The following PLCH2 variants were observed in gnomAD, a reference collection of about 807,000 sequenced individuals.
PLCH2 encodes the protein 1-phosphatidylinositol 4,5-bisphosphate phosphodiesterase eta-2.
PLCH2 carries 98 observed loss-of-function variants against 134.7 expected under a neutral mutation model. The ratio of observed to expected loss-of-function variants is 0.73; its 90% confidence interval spans 0.62 to 0.86. The LOEUF (loss-of-function observed/expected upper bound fraction) is 0.86, where lower values mean the gene tolerates loss of function less well. PLCH2 is among the 40% of genes least tolerant of loss of function. The probability of loss-of-function intolerance (pLI) is 0.00; values close to 1 mark genes in which losing one functional copy is unlikely to be tolerated. For synonymous variants in PLCH2, 974 were observed against 827.5 expected (o/e 1.18, Z -3.04); for missense variants, 1,994 against 1,986.6 (o/e 1.00, Z -0.07).
At chr1:2,503,191 C>G in intron 21 of PLCH2, 2 of 600,504 alleles carry the variant, frequency 3.3e-6, no homozygotes, top group East Asian at 5.8e-5. Context: ...GGTCTGGGGC[C>G]GGGACTGTGG....
At position 2,504,804 on chromosome 1, in the gene PLCH2, G is replaced by T. The variant is rs1054479394; in HGVS notation, c.3842G>T (p.Gly1281Val). ...GGSRRLSHSL[G>V]LPGGTRRVSG... The stretch of plus-strand genomic sequence containing the variant: ...TCCCGCAGACTGAGCCACAGCCTGG[G>T]CCTCCCGGGAGGGACACGGCGGGTG... Residue 1281 changes from glycine to valine, a missense_variant, in exon 22 of 22, where the codon GGC becomes GTC. Gly to Val is a moderately radical substitution (Grantham distance 109). This residue lies in a region of PLCH2 where 900 missense variants were observed against 752.3 expected (regional missense o/e 1.20). Transcript: ENST00000378486. The T allele has an allele frequency of 2.5e-6, 4 of 1,611,598 alleles. No individual in the cohort carries two copies. The African/African-American group carries it at 4.0e-5, about 16-fold the overall frequency.
Position 2,502,146 on chromosome 1 carries a change from T to C in PLCH2, c.2696T>C (p.Leu899Pro). Residue 899 changes from leucine (L) to proline (P), a missense_variant, in exon 21 of 22, where the codon CTC becomes CCC. Leu to Pro is a moderately conservative substitution (Grantham distance 98). Coordinates refer to ENST00000378486, the MANE Select transcript of PLCH2 (RefSeq NM_014638.4). ...KQALGLKGLFLRGPKPGSLDS... is the reference protein window; with the variant it reads ...KQALGLKGLFPRGPKPGSLDS... ...GCTCTGGGCCTAAAAGGCCTCTTCCTCCGAGGCCCAAAGCCCGGCTCGCTG... is the reference window on the plus strand; with the variant it reads ...GCTCTGGGCCTAAAAGGCCTCTTCCCCCGAGGCCCAAAGCCCGGCTCGCTG... The C allele has an allele frequency of 6.8e-7, 1 of 1,478,744 alleles. No homozygotes were observed. Among genetic ancestry groups the C allele is most frequent in the African/African-American group, 1.4e-5 (1 of 69,080 alleles). The allele number at this position is 1,478,744 out of a possible 1,614,324, so 91.6% of individuals were successfully genotyped here.
chr1:2,495,700 G>A, intron 13 of PLCH2, 130 bp downstream of exon 13: 2 of 627,386 alleles, frequency 3.2e-6, no homozygotes, highest in East Asian at 6.2e-5. Context: ...TTGGCCCCTG[G>A]AAGCAGTGAA....
At chr1:2,503,607 G>A (rs1001127451) in intron 21 of PLCH2, 3 of 683,996 alleles carry the variant, frequency 4.4e-6, no homozygotes, top group African/African-American at 3.6e-5. Context: ...CACCCACGCT[G>A]CCTCCGTAGT....
chr1:2,451,323 C>A (rs1400392185), intron 2 of PLCH2, among the ~76,000 whole-genome samples: 1 of 152,214 alleles, frequency 6.6e-6, no homozygotes, highest in Non-Finnish European at 1.5e-5. Context: ...CCCCGAAGAT[C>A]ATACGCAGTA....
At chr1:2,430,529 G>C (rs909017942) in exon 2 of PLCH2, 1 of 152,088 alleles carries the variant, frequency 6.6e-6, no homozygotes, top group African/African-American at 2.4e-5. Context: ...TGGCTCCCCC[G>C]ACAGCCGGCC....
At chr1:2,473,579 G>GC (rs1246703099), upstream of PLCH2, among the ~76,000 whole-genome samples, 3 of 152,224 alleles carry the variant, frequency 2.0e-5, no homozygotes, top group Non-Finnish European at 4.4e-5. Flanking sequence ...CTCAGAGCAG[G>GC]CCTGGTGGCC....
At position 2,489,831 on chromosome 1, in the gene PLCH2, T is replaced by A; in HGVS notation, c.1479T>A (p.Asp493Glu). 1 of 1,609,288 alleles carries A rather than the reference T, an allele frequency of 6.2e-7. No individual in the cohort carries two copies. The highest frequency in any genetic ancestry group is 8.5e-7 in the Non-Finnish European group (1 of 1,175,914). Residue 493 changes from aspartate (D) to glutamate (E), a missense_variant, in exon 10 of 22, where the codon GAT becomes GAA. Physicochemically the swap from Asp to Glu is conservative, Grantham distance 45. This residue lies in a region of PLCH2 where 1,094 missense variants were observed against 1,234.3 expected (regional missense o/e 0.89). Transcript: ENST00000378486. Reference protein sequence around the residue: ...EGEVSDEDSADEIDDDCKLLN... With the variant: ...EGEVSDEDSAEEIDDDCKLLN... Reference sequence around the variant, plus strand: ...AGGTGTCTGATGAGGACAGTGCTGATGAGATTGACGATGACTGCAAGCTCC... The same window carrying A: ...AGGTGTCTGATGAGGACAGTGCTGAAGAGATTGACGATGACTGCAAGCTCC...
the PLCH2 span, among the ~76,000 whole-genome samples, chr1:2,416,782 G>A: frequency 6.6e-6 from 1 of 152,246 alleles, no homozygotes; most frequent in African/African-American, 2.4e-5. Flanking sequence ...GTTGGTGTGG[G>A]CATGGGCTGG....
rs760573114 is a variant in PLCH2 at position 2,504,688 on chromosome 1, G to A, written c.3726G>A (p.Leu1242=). Residue 1242 remains leucine (L), a synonymous_variant, in exon 22 of 22, where the codon CTG becomes CTA. Coordinates refer to ENST00000378486, the MANE Select transcript of PLCH2 (RefSeq NM_014638.4). ...PFRPPWGCLS[L]VGVQDCPVAA... ...GGCCTCCCTGGGGCTGCCTTTCCCT[G>A]GTGGGCGTGCAGGACTGCCCCGTGG... The A allele has an allele frequency of 1.2e-6, 2 of 1,612,600 alleles. No individual in the cohort carries two copies. The highest frequency in any genetic ancestry group is 1.7e-6 in the Non-Finnish European group (2 of 1,179,802).
At chr1:2,459,847 G>A (rs1299376124) in intron 2 of PLCH2, among the ~76,000 whole-genome samples, 10 of 152,400 alleles carry the variant, frequency 6.6e-5, no homozygotes, top group South Asian at 2.1e-4. Context: ...CGTGGACGGC[G>A]GGCAGTGTTT....
chr1:2,489,897 C>A, intron 10 of PLCH2, 30 bp downstream of exon 10: 1 of 1,471,870 alleles, frequency 6.8e-7, no homozygotes, highest in Non-Finnish European at 9.5e-7. Context: ...GAGGGGGGCG[C>A]GTGGAGCCTG....
intron 1 of PLCH2, among the ~76,000 whole-genome samples, chr1:2,476,974 AG>A (rs1222171986): frequency 6.6e-6 from 1 of 152,008 alleles, no homozygotes; most frequent in Admixed American, 6.5e-5. Context: ...CAAGGGGGCG[AG>A]GGGGGATCTC....
At position 2,489,441 on chromosome 1, in the gene PLCH2, C is replaced by T. The variant is rs567762227; in HGVS notation, c.1407+63C>T. ...AGAGTCTCGGGCCTGCAGCAGTGCC[C>T]TGCTCCAGACAGGCAGGGGCATCAT... On this transcript the variant is annotated intron_variant, in intron 9 of 21. Transcript: ENST00000378486. The T allele has an allele frequency of 1.2e-5, 19 of 1,541,950 alleles. No homozygotes were observed. In the South Asian group the frequency reaches 2.2e-4, roughly 18 times the overall value.
At chr1:2,480,923 G>A (rs1168932200) in intron 4 of PLCH2, among the ~76,000 whole-genome samples, 1 of 152,254 alleles carries the variant, frequency 6.6e-6, no homozygotes, top group Admixed American at 6.5e-5. Context: ...AGCAAACCAG[G>A]CCCTGGGGCC....
At chr1:2,468,266 C>T (rs1211897561) in intron 1 of PLCH2, among the ~76,000 whole-genome samples, 1 of 152,234 alleles carries the variant, frequency 6.6e-6, no homozygotes, top group Non-Finnish European at 1.5e-5. Context: ...CTCAGGGTTC[C>T]CTGGAGTTAC....
chr1:2,439,538 G>C lies in PLCH2; in HGVS notation c.115+8909G>C, dbSNP rs1487046254. ...CACACTTTCTAAATTTAGCTGCTGA[G>C]GATTGCACGTTTACCCGATTAAGCC... is the stretch of plus-strand genomic sequence containing the variant. On this transcript the variant is annotated intron_variant, in intron 2 of 3. Transcript: ENST00000609981. The surrounding 1 kb of genome is among the most constrained non-coding windows in gnomAD (Gnocchi z 4.7). 6.6e-6 allele frequency among the ~76,000 whole-genome samples: 1 copy of C among 152,266 alleles called. No individual in the cohort carries two copies. Among genetic ancestry groups the C allele is most frequent in the African/African-American group, 2.4e-5 (1 of 41,466 alleles).
At chr1:2,503,697 G>A (rs1164823977) in intron 21 of PLCH2, 3 of 649,400 alleles carry the variant, frequency 4.6e-6, no homozygotes, top group Admixed American at 4.6e-5. Context: ...GGAGGGCCCC[G>A]TGTGCGGCAC....
At chr1:2,479,563 C>T in intron 2 of PLCH2, 171 bp from the exon 3 acceptor site, 1 of 633,608 alleles carries the variant, frequency 1.6e-6, no homozygotes, top group East Asian at 2.8e-5. Context: ...GCTGTGCAGT[C>T]TCGCAGATCT....
Sources: allele counts gnomAD v4.1 joint callset (sites outside exome capture counted in the v4.1 genomes callset), GRCh38; gene constraint gnomAD v4.1.1; regional missense constraint gnomAD v4.1.1; non-coding constraint Gnocchi (gnomAD v3.1); transcripts MANE v1.5; gene names NCBI Gene and HGNC (gene_info 2026-07-23, HGNC 2026-07-21).